MACROD2: variants seen among roughly 807,000 people sequenced by gnomAD.
MACROD2 encodes ADP-ribose glycohydrolase MACROD2.
A neutral mutation model predicts 70.4 loss-of-function variants in MACROD2; 36 were observed. The ratio of observed to expected loss-of-function variants is 0.51; its 90% confidence interval spans 0.39 to 0.68. The LOEUF is 0.68. Ranked by LOEUF, MACROD2 falls within the 30% of genes least tolerant of loss-of-function variation. The pLI is 0.00. For missense variants in MACROD2, 496 were observed against 538.4 expected, an observed-to-expected ratio of 0.92 and a Z score of 0.78; for synonymous variants, 172 against 178.8, an observed-to-expected ratio of 0.96 and a Z score of 0.30.
At chr20:15,919,141 AG>A (rs1286760770) in intron 10 of MACROD2, among the ~76,000 whole-genome samples, 1 of 152,210 alleles carries the variant, frequency 6.6e-6, no homozygotes, top group Non-Finnish European at 1.5e-5. Context: ...TCCAAAAAAA[AG>A]AACATTTGAT....
rs1332012362 is a variant in MACROD2, at chr20:14,780,558, G to A, written c.418+95599G>A. 6.2e-4 allele frequency among the ~76,000 whole-genome samples: 61 copies of A among 98,400 alleles called. 1 individual carries two copies. Among genetic ancestry groups the A allele is most frequent in the Admixed American group, 2.0e-3 (18 of 9,034 alleles). 64.6% of individuals were successfully genotyped at this position (98,400 alleles called of 152,430 possible). On this transcript the variant is annotated intron_variant, in intron 5 of 17. Coordinates refer to ENST00000684519, the MANE Select transcript of MACROD2 (RefSeq NM_001351661.2). ...GCCTGGGCAACAAGAGTGAAACTCC[G>A]TCTCAAAAAAAAAAAAAAAAAGTGA...
At chr20:15,619,064 A>G (rs983257493) in intron 8 of MACROD2, among the ~76,000 whole-genome samples, 14 of 152,188 alleles carry the variant, frequency 9.2e-5, no homozygotes, top group African/African-American at 2.4e-4. Context: ...CAGCTTATCA[A>G]TCTGAGTGGT....
At chr20:15,019,258 G>A (rs1463181187) in intron 5 of MACROD2, among the ~76,000 whole-genome samples, 3 of 152,112 alleles carry the variant, frequency 2.0e-5, no homozygotes, top group Admixed American at 2.0e-4. Flanking sequence ...ACTACACAAA[G>A]TTATGAGCTT....
chr20:14,575,017 C>CAAAAAAAAAAAAAAAAAAAA (rs1195216470), intron 4 of MACROD2, among the ~76,000 whole-genome samples: 5 of 49,950 alleles, frequency 1.0e-4, no homozygotes, highest in African/African-American at 3.6e-4. Context: ...GACTCTGTCT[C>CAAAAAAAAAAAAAAAAAAAA]AAAAAAAAAA....
At chr20:14,511,708 T>C (rs1025060512) in intron 4 of MACROD2, among the ~76,000 whole-genome samples, 1 of 151,956 alleles carries the variant, frequency 6.6e-6, no homozygotes, top group African/African-American at 2.4e-5. Context: ...CCAATTTTTT[T>C]CAGATTTTGC....
intron 5 of MACROD2, among the ~76,000 whole-genome samples, chr20:14,762,866 G>A (rs1009120033): frequency 2.0e-5 from 3 of 152,056 alleles, no homozygotes; most frequent in Admixed American, 2.0e-4. Context: ...GGAGGTAGAG[G>A]TTGCGGTGAG....
intron 5 of MACROD2, among the ~76,000 whole-genome samples, chr20:14,724,264 G>C (rs1180516243): frequency 6.6e-6 from 1 of 151,874 alleles, no homozygotes; most frequent in Non-Finnish European, 1.5e-5. Flanking sequence ...GATTTGATTT[G>C]GGTATCAATC....
At chr20:16,044,946 A>G (rs190629223) in intron 17 of MACROD2, among the ~76,000 whole-genome samples, 1 of 152,262 alleles carries the variant, frequency 6.6e-6, no homozygotes, top group African/African-American at 2.4e-5. Context: ...TGGTCAAATT[A>G]TTTCAGAAAC....
chr20:15,096,816 T>C (rs938366522), intron 5 of MACROD2, among the ~76,000 whole-genome samples: 1 of 146,478 alleles, frequency 6.8e-6, no homozygotes, highest in African/African-American at 2.5e-5. Context: ...TAATTTTTTT[T>C]TTTTTTTTTT....
chr20:15,754,962 G>A (rs1270525172), intron 8 of MACROD2, among the ~76,000 whole-genome samples: 2 of 151,854 alleles, frequency 1.3e-5, no homozygotes, highest in East Asian at 1.9e-4. Context: ...AGGTTTAAGC[G>A]ATTCTCCTAC....
intron 3 of MACROD2, among the ~76,000 whole-genome samples, chr20:14,365,012 G>A (rs1209038546): frequency 2.0e-5 from 3 of 152,160 alleles, no homozygotes; most frequent in Non-Finnish European, 4.4e-5. Flanking sequence ...TTCTTCCGCT[G>A]CTGTTTCTTG....
intron 8 of MACROD2, among the ~76,000 whole-genome samples, chr20:15,689,240 G>T (rs1366874441): frequency 2.0e-5 from 3 of 151,868 alleles, no homozygotes; most frequent in Non-Finnish European, 4.4e-5. Context: ...GGGGGTGGAG[G>T]TTGCAGTGAG....
At chr20:14,846,314 C>A (rs2073139584) in intron 5 of MACROD2, among the ~76,000 whole-genome samples, 2 of 151,998 alleles carry the variant, frequency 1.3e-5, no homozygotes, top group South Asian at 4.2e-4. Context: ...ACCTCCACCT[C>A]CTGCATTCAA....
At chr20:14,159,430 C>T (rs6110186) in intron 3 of MACROD2, among the ~76,000 whole-genome samples, 151,333 of 152,300 alleles carry the variant, frequency 0.99, 75,195 homozygotes, top group South Asian at 1. Context: ...GTTTTTCTTA[C>T]AGAGATCTTT....
chr20:14,785,759 A>C (rs1457663202), intron 5 of MACROD2, among the ~76,000 whole-genome samples: 1 of 152,028 alleles, frequency 6.6e-6, no homozygotes, highest in East Asian at 1.9e-4. Flanking sequence ...AATCTGGGAG[A>C]TCCATGATCA....
At chr20:15,455,842 AT>A (rs1207662624) in intron 7 of MACROD2, among the ~76,000 whole-genome samples, 1 of 152,006 alleles carries the variant, frequency 6.6e-6, no homozygotes, top group South Asian at 2.1e-4. Context: ...ATTTCAGCTC[AT>A]TTTTTTAAGA....
At chr20:14,518,362 A>G (rs2123168925) in intron 4 of MACROD2, among the ~76,000 whole-genome samples, 1 of 152,264 alleles carries the variant, frequency 6.6e-6, no homozygotes, top group Non-Finnish European at 1.5e-5. Flanking sequence ...TATTTTTACA[A>G]ATTATGTCAT....
At chr20:14,282,544 A>G (rs115873909) in intron 3 of MACROD2, among the ~76,000 whole-genome samples, 2,505 of 152,332 alleles carry the variant, frequency 0.016, 61 homozygotes, top group African/African-American at 0.057. Flanking sequence ...CTAAGCCATC[A>G]ATGTTTTAAA....
At chr20:14,923,752 G>A (rs933032175) in intron 5 of MACROD2, among the ~76,000 whole-genome samples, 5 of 143,978 alleles carry the variant, frequency 3.5e-5, no homozygotes, top group Non-Finnish European at 6.0e-5. Context: ...TTAATTATAG[G>A]CCTTGTGCCT....
Sources: allele counts gnomAD v4.1 joint callset (sites outside exome capture counted in the v4.1 genomes callset), GRCh38; gene constraint gnomAD v4.1.1; transcripts MANE v1.5; gene names NCBI Gene and HGNC (gene_info 2026-07-23, HGNC 2026-07-21).